The following ROBO2 variants were observed in gnomAD, a reference collection of about 807,000 sequenced individuals.
ROBO2 encodes the protein roundabout homolog 2.
A neutral mutation model predicts 160.8 loss-of-function variants in ROBO2; 53 were observed. That is an observed-to-expected ratio of 0.33 (90% CI 0.26 to 0.41). ROBO2 has a LOEUF of 0.41. ROBO2 is among the 10% of genes least tolerant of loss of function. ROBO2 has a pLI of 1.00. For synonymous variants in ROBO2, 664 were observed against 611.7 expected (o/e 1.09, Z -1.26); for missense variants, 1,577 against 1,722.4 (o/e 0.92, Z 1.49).
At chr3:77,063,852 A>T (rs1301222308) in intron 1 of ROBO2, among the ~76,000 whole-genome samples, 1 of 152,188 alleles carries the variant, frequency 6.6e-6, no homozygotes, top group Non-Finnish European at 1.5e-5. Flanking sequence ...ATTAAAAATT[A>T]CTCTACTTAT....
intron 1 of ROBO2, chr3:77,092,248 C>T (rs1029687419): frequency 3.3e-5 from 5 of 151,032 alleles, no homozygotes; most frequent in African/African-American, 9.7e-5. Context: ...TTATGACTAG[C>T]GACATTCATG....
chr3:76,680,917 C>T (rs1027822605), intron 2 of ROBO2, among the ~76,000 whole-genome samples: 26 of 151,998 alleles, frequency 1.7e-4, no homozygotes, highest in African/African-American at 5.8e-4. Context: ...GCGGAGACTA[C>T]CGGGATGCAC....
rs1048429600 is a variant in ROBO2 at position 77,144,750 on chromosome 3, G to A, written c.388+46410G>A. Among the ~76,000 whole-genome samples, 3 of 152,106 alleles carry A rather than the reference G, an allele frequency of 2.0e-5. No individual in the cohort carries two copies. In the East Asian group the frequency reaches 5.8e-4, roughly 29 times the overall value. ...GAAAGTAAGCTGACTGGGAGAAGGA[G>A]GTGTAGATAAGTAGATTTTCATCAA... is the stretch of plus-strand genomic sequence containing the variant. On this transcript the variant is annotated intron_variant, in intron 2 of 25. Coordinates refer to ENST00000461745, the Ensembl canonical transcript of ROBO2.
At chr3:76,099,995 T>G (rs78851593) in intron 2 of ROBO2, among the ~76,000 whole-genome samples, 4,943 of 152,250 alleles carry the variant, frequency 0.032, 229 homozygotes, top group East Asian at 0.17. Flanking sequence ...TTTTCTGAGG[T>G]TCCAGATAGC....
intron 2 of ROBO2, among the ~76,000 whole-genome samples, chr3:76,673,690 T>G (rs2092329658): frequency 6.6e-6 from 1 of 152,124 alleles, no homozygotes; most frequent in African/African-American, 2.4e-5. Flanking sequence ...CTTTCATCAT[T>G]ATAAGTTTCT....
intron 2 of ROBO2, among the ~76,000 whole-genome samples, chr3:76,756,664 T>C (rs1256748514): frequency 6.6e-6 from 1 of 151,868 alleles, no homozygotes; most frequent in Non-Finnish European, 1.5e-5. Flanking sequence ...TAATTATCTA[T>C]TTTTCTTAGT....
intron 2 of ROBO2, among the ~76,000 whole-genome samples, chr3:76,411,334 C>A (rs2075474719): frequency 6.6e-6 from 1 of 151,860 alleles, no homozygotes; most frequent in East Asian, 1.9e-4. Flanking sequence ...TAGAGAGATA[C>A]CTAGATAAGC....
chr3:77,345,319 G>A (rs2067511866), intron 2 of ROBO2, among the ~76,000 whole-genome samples: 1 of 152,020 alleles, frequency 6.6e-6, no homozygotes, highest in African/African-American at 2.4e-5. Flanking sequence ...CCAAGAGAAG[G>A]TAGAAACATG....
chr3:76,866,941 T>C (rs1326191290), intron 2 of ROBO2, among the ~76,000 whole-genome samples: 1 of 152,160 alleles, frequency 6.6e-6, no homozygotes, highest in Non-Finnish European at 1.5e-5. Context: ...ATGTTAATTC[T>C]TCAGCCATTT....
intron 20 of ROBO2, among the ~76,000 whole-genome samples, chr3:77,605,565 C>T (rs949793398): frequency 2.0e-5 from 3 of 152,152 alleles, no homozygotes; most frequent in South Asian, 4.1e-4. Context: ...TTCTATGAAT[C>T]ACCCGTTTCC....
At chr3:76,822,808 G>T (rs1484131525) in intron 2 of ROBO2, among the ~76,000 whole-genome samples, 9 of 151,422 alleles carry the variant, frequency 5.9e-5, no homozygotes, top group African/African-American at 2.2e-4. Context: ...GATTAAGAAG[G>T]TTTCCTGTTC....
intron 10 of ROBO2, among the ~76,000 whole-genome samples, chr3:77,562,933 C>A (rs1166194479): frequency 6.6e-6 from 1 of 152,032 alleles, no homozygotes; most frequent in East Asian, 1.9e-4. Flanking sequence ...TCTTTGATAA[C>A]CTTATTATTT....
chr3:77,427,926 T>A (rs906379964), intron 2 of ROBO2, among the ~76,000 whole-genome samples: 2 of 152,234 alleles, frequency 1.3e-5, no homozygotes, highest in Admixed American at 1.3e-4. Flanking sequence ...TATTCCGTTT[T>A]TAACCTTACA....
intron 2 of ROBO2, among the ~76,000 whole-genome samples, chr3:76,080,239 T>A (rs1472101539): frequency 6.6e-6 from 1 of 152,226 alleles, no homozygotes; most frequent in Non-Finnish European, 1.5e-5. Context: ...CAGTGCGTAC[T>A]GACCACCAGA....
intron 2 of ROBO2, among the ~76,000 whole-genome samples, chr3:77,341,877 C>T (rs1581191379): frequency 6.6e-6 from 1 of 151,578 alleles, no homozygotes; most frequent in Non-Finnish European, 1.5e-5. Flanking sequence ...TATTGTAGTT[C>T]TTTTCATGTT....
intron 2 of ROBO2, among the ~76,000 whole-genome samples, chr3:76,283,181 A>G (rs1708336284): frequency 1.3e-5 from 1 of 76,356 alleles, no homozygotes; most frequent in South Asian, 5.3e-4. Context: ...GACCCCTGCC[A>G]TGCAGCATTG....
At chr3:76,393,970 A>G (rs1406821720) in intron 2 of ROBO2, among the ~76,000 whole-genome samples, 1 of 152,084 alleles carries the variant, frequency 6.6e-6, no homozygotes, top group African/African-American at 2.4e-5. Flanking sequence ...TTCGTTTTCC[A>G]TTTGCTTGGT....
chr3:76,626,912 A>T (rs1233135458), intron 2 of ROBO2, among the ~76,000 whole-genome samples: 1 of 152,062 alleles, frequency 6.6e-6, no homozygotes, highest in East Asian at 1.9e-4. Context: ...GGATGGTCTC[A>T]ATCTCCTGAC....
At chr3:77,210,942 T>G (rs932747853) in intron 2 of ROBO2, among the ~76,000 whole-genome samples, 1 of 152,216 alleles carries the variant, frequency 6.6e-6, no homozygotes, top group Non-Finnish European at 1.5e-5. Flanking sequence ...GGCTGCATAG[T>G]ATTCCATGGT....
Sources: allele counts gnomAD v4.1 joint callset (sites outside exome capture counted in the v4.1 genomes callset), GRCh38; gene constraint gnomAD v4.1.1; transcripts MANE v1.5; gene names NCBI Gene and HGNC (gene_info 2026-07-23, HGNC 2026-07-21).